TNIK: variants seen among roughly 807,000 people sequenced by gnomAD.
TNIK encodes TRAF2 and NCK interacting kinase.
In TNIK, 49 loss-of-function variants were observed where a neutral mutation model predicts 191.3. That is an observed-to-expected ratio of 0.26 (90% CI 0.20 to 0.32). The LOEUF (loss-of-function observed/expected upper bound fraction) is 0.32. Ranked by LOEUF, TNIK falls within the 10% of genes least tolerant of loss-of-function variation. The probability of loss-of-function intolerance (pLI) is 1.00; values close to 1 mark genes in which losing one functional copy is unlikely to be tolerated. For synonymous variants in TNIK, 594 were observed against 600.9 expected (o/e 0.99, Z 0.17); for missense variants, 1,155 against 1,702.3 (o/e 0.68, Z 5.66).
intron 22 of TNIK, 94 bp downstream of exon 22, chr3:171,101,355 A>G: frequency 7.2e-7 from 1 of 1,385,018 alleles, no homozygotes; most frequent in Non-Finnish European, 9.8e-7. Flanking sequence ...CCACAGACCC[A>G]TATACAATCT....
chr3:171,228,718 T>C (rs1301227566), intron 2 of TNIK, among the ~76,000 whole-genome samples: 2 of 152,192 alleles, frequency 1.3e-5, no homozygotes, highest in African/African-American at 2.4e-5. Context: ...CTAAAACAGA[T>C]AGCAATCAAT....
intron 1 of TNIK, among the ~76,000 whole-genome samples, chr3:171,380,091 C>A (rs1717841241): frequency 6.6e-6 from 1 of 151,984 alleles, no homozygotes; most frequent in Non-Finnish European, 1.5e-5. Context: ...ATGCACATGA[C>A]CACCCCCAAC....
At chr3:171,428,421 A>G (rs910400652) in intron 1 of TNIK, among the ~76,000 whole-genome samples, 10 of 152,196 alleles carry the variant, frequency 6.6e-5, no homozygotes, top group African/African-American at 1.7e-4. Flanking sequence ...GCAAGACTGC[A>G]GGGTCATAGC....
At chr3:171,295,003 G>A (rs1752103592) in intron 2 of TNIK, among the ~76,000 whole-genome samples, 1 of 129,388 alleles carries the variant, frequency 7.7e-6, no homozygotes, top group Non-Finnish European at 1.8e-5. Flanking sequence ...GTCTGGCCAG[G>A]GAAGAGAGAG....
At chr3:171,452,819 T>G (rs1175295780) in intron 1 of TNIK, among the ~76,000 whole-genome samples, 1 of 151,208 alleles carries the variant, frequency 6.6e-6, no homozygotes, top group Non-Finnish European at 1.5e-5. Flanking sequence ...TCTCAAAACT[T>G]AGAATAAGAC....
intron 9 of TNIK, 118 bp from the exon 10 acceptor site, chr3:171,167,388 G>T: frequency 1.6e-6 from 2 of 1,221,912 alleles, no homozygotes; most frequent in Non-Finnish European, 2.2e-6. Flanking sequence ...CTGGCATAGG[G>T]ATCATCCACT....
intron 2 of TNIK, among the ~76,000 whole-genome samples, chr3:171,234,193 G>A (rs768729422): frequency 1.2e-4 from 18 of 152,166 alleles, no homozygotes; most frequent in Non-Finnish European, 1.9e-4. Context: ...GAGGCAAAGA[G>A]GTAGACAAGA....
intron 23 of TNIK, among the ~76,000 whole-genome samples, chr3:171,093,328 A>G (rs1174992005): frequency 1.3e-5 from 2 of 152,236 alleles, no homozygotes; most frequent in East Asian, 1.9e-4. Context: ...ACATTTTTGA[A>G]GTAGATCTGC....
At chr3:171,320,902 G>A (rs548370514) in intron 2 of TNIK, among the ~76,000 whole-genome samples, 1 of 152,244 alleles carries the variant, frequency 6.6e-6, no homozygotes, top group Admixed American at 6.5e-5. Context: ...CACAGGACTG[G>A]CTGTATTTCC....
chr3:171,228,279 A>G (rs1423632794), intron 2 of TNIK, 58 bp from the exon 3 acceptor site: 12 of 1,601,816 alleles, frequency 7.5e-6, no homozygotes, highest in Non-Finnish European at 1.0e-5. Flanking sequence ...GTAGCATTCA[A>G]TTCCAACAAT....
chr3:171,166,598 C>A (rs866797803), intron 10 of TNIK, among the ~76,000 whole-genome samples: 1 of 152,118 alleles, frequency 6.6e-6, no homozygotes, highest in African/African-American at 2.4e-5. Context: ...GCAAGCCTGG[C>A]AACCTAATGA....
intron 2 of TNIK, among the ~76,000 whole-genome samples, chr3:171,282,234 C>A (rs1750509472): frequency 1.3e-5 from 2 of 151,972 alleles, no homozygotes; most frequent in South Asian, 4.1e-4. Flanking sequence ...AAAGAAGAGC[C>A]AGCACAGAGT....
At chr3:171,438,298 G>C (rs28548372) in intron 1 of TNIK, among the ~76,000 whole-genome samples, 1 of 152,178 alleles carries the variant, frequency 6.6e-6, no homozygotes, top group South Asian at 2.1e-4. Context: ...TAGGACACAG[G>C]TCTTTCCATT....
intron 21 of TNIK, among the ~76,000 whole-genome samples, chr3:171,106,134 ACATGGAAACATG>A (rs1560118959): frequency 1.3e-5 from 2 of 152,004 alleles, no homozygotes; most frequent in Non-Finnish European, 2.9e-5. Flanking sequence ...AAGACCAGAT[ACATGGAAACATG>A]CTTCTCCTAC....
intron 15 of TNIK, among the ~76,000 whole-genome samples, chr3:171,137,226 A>C (rs889880268): frequency 6.6e-6 from 1 of 151,612 alleles, no homozygotes; most frequent in Non-Finnish European, 1.5e-5. Flanking sequence ...AGACAAATAC[A>C]AAGAATTATT....
intron 9 of TNIK, among the ~76,000 whole-genome samples, chr3:171,171,138 T>G (rs1735230579): frequency 6.6e-6 from 1 of 152,190 alleles, no homozygotes; most frequent in South Asian, 2.1e-4. Flanking sequence ...TTAAATAGCT[T>G]AGCAGGAGGA....
intron 2 of TNIK, among the ~76,000 whole-genome samples, chr3:171,347,670 ATTTCGGT>A (rs1368298364): frequency 6.6e-6 from 1 of 152,176 alleles, no homozygotes; most frequent in Non-Finnish European, 1.5e-5. Flanking sequence ...CAAGTGTGGT[ATTTCGGT>A]TTGAGTGGGG....
intron 3 of TNIK, among the ~76,000 whole-genome samples, chr3:171,222,479 G>A (rs1479414591): frequency 1.3e-5 from 2 of 151,970 alleles, no homozygotes; most frequent in African/African-American, 2.4e-5. Context: ...TGTGCCTATC[G>A]TCATTATTAT....
chr3:171,351,618 A>C (rs1191646984), intron 2 of TNIK, among the ~76,000 whole-genome samples: 3 of 152,150 alleles, frequency 2.0e-5, no homozygotes, highest in Non-Finnish European at 4.4e-5. Flanking sequence ...CAGGGCTATC[A>C]TTGCATTTGT....
Sources: allele counts gnomAD v4.1 joint callset (sites outside exome capture counted in the v4.1 genomes callset), GRCh38; gene constraint gnomAD v4.1.1; transcripts MANE v1.5; gene names NCBI Gene and HGNC (gene_info 2026-07-23, HGNC 2026-07-21).